PATL2: variants seen among roughly 807,000 people sequenced by gnomAD.
PATL2 encodes the protein protein PAT1 homolog 2.
Under a neutral mutation model 77.0 loss-of-function variants are expected in PATL2, and 73 were observed. The ratio of observed to expected loss-of-function variants is 0.95; its 90% CI spans 0.78 to 1.15. The LOEUF (loss-of-function observed/expected upper bound fraction) is 1.15. PATL2 is among the 50% of genes most tolerant of loss of function. PATL2 has a pLI of 0.00. For synonymous variants in PATL2, 265 were observed against 257.1 expected, an observed-to-expected ratio of 1.03 and a Z score of -0.29; for missense variants, 618 against 655.4, an observed-to-expected ratio of 0.94 and a Z score of 0.62.
At chr15:44,697,945 C>T (rs2086544918) in intron 3 of PATL2, among the ~76,000 whole-genome samples, 1 of 151,896 alleles carries the variant, frequency 6.6e-6, no homozygotes, top group South Asian at 2.1e-4. Context: ...TGCTATGTTG[C>T]CCAGGCTGGT....
chr15:44,697,256 GC>G (rs1338153333), intron 3 of PATL2: 3 of 146,588 alleles, frequency 2.0e-5, no homozygotes, highest in Non-Finnish European at 4.5e-5. Flanking sequence ...TCTTCTTCTT[GC>G]TCCTGCTCAT....
intron 3 of PATL2, among the ~76,000 whole-genome samples, chr15:44,695,175 G>C (rs1459310043): frequency 6.6e-6 from 1 of 150,952 alleles, no homozygotes; most frequent in Non-Finnish European, 1.5e-5. Context: ...GCGACAGAGC[G>C]AGACTCCCTC....
At position 44,697,893 on chromosome 15, in the gene PATL2, C is replaced by CT. The variant is rs796682758; in HGVS notation, c.-76+12202dup. On this transcript the variant is annotated intron_variant, in intron 3 of 17. Coordinates refer to ENST00000682850, the MANE Select transcript of PATL2 (RefSeq NM_001387263.1). Reference sequence around the variant, plus strand: ...GTAGTTTGGGTCAGCAGCTTTCCCACTTTTTTTTTATTATTATTTTAAAAA... The same window carrying CT: ...GTAGTTTGGGTCAGCAGCTTTCCCACTTTTTTTTTTATTATTATTTTAAAAA... 6.1e-4 allele frequency among the ~76,000 whole-genome samples: 92 copies of CT among 150,968 alleles called. No homozygotes were observed. The South Asian group carries it at 0.012, about 19-fold the overall frequency.
chr15:44,679,336 T>C (rs546407477), intron 3 of PATL2, among the ~76,000 whole-genome samples: 1 of 152,038 alleles, frequency 6.6e-6, no homozygotes, highest in Admixed American at 6.6e-5. Flanking sequence ...GATCAAGCAA[T>C]TGTCCTGCCT....
At chr15:44,682,774 A>G (rs2086162433) in intron 3 of PATL2, among the ~76,000 whole-genome samples, 1 of 152,066 alleles carries the variant, frequency 6.6e-6, no homozygotes, top group South Asian at 2.1e-4. Context: ...ATTTAAACAT[A>G]AAAAAAATCT....
At chr15:44,682,355 T>C (rs911391863) in intron 3 of PATL2, among the ~76,000 whole-genome samples, 3 of 152,218 alleles carry the variant, frequency 2.0e-5, no homozygotes, top group African/African-American at 2.4e-5. Flanking sequence ...CTGATCCTTA[T>C]GCTTTTTGCT....
chr15:44,673,112 G>A (rs1335079374), intron 7 of PATL2, 123 bp downstream of exon 7: 1 of 1,274,948 alleles, frequency 7.8e-7, no homozygotes, highest in Non-Finnish European at 1.1e-6. Flanking sequence ...GACGGAATTA[G>A]ACTATACCTC....
chr15:44,679,296 T>A (rs1042349717), intron 3 of PATL2, among the ~76,000 whole-genome samples: 1 of 151,742 alleles, frequency 6.6e-6, no homozygotes, highest in Non-Finnish European at 1.5e-5. Flanking sequence ...AGTGGCACCA[T>A]CTCGGCTCAC....
chr15:44,666,162 C>G (rs1162252394), intron 17 of PATL2, among the ~76,000 whole-genome samples, 191 bp from the exon 18 acceptor site: 1 of 152,198 alleles, frequency 6.6e-6, no homozygotes, highest in East Asian at 1.9e-4. Flanking sequence ...TAAATTAATT[C>G]TTGCCCTCAA....
At chr15:44,691,892 G>T (rs970222055) in intron 3 of PATL2, among the ~76,000 whole-genome samples, 8 of 151,710 alleles carry the variant, frequency 5.3e-5, no homozygotes, top group Non-Finnish European at 1.2e-4. Flanking sequence ...GATAAATATC[G>T]TCCTTATTTT....
intron 3 of PATL2, among the ~76,000 whole-genome samples, chr15:44,703,089 C>T (rs578230979): frequency 8.5e-5 from 13 of 152,100 alleles, no homozygotes; most frequent in Middle Eastern, 3.4e-3. Context: ...TCCTGACTAA[C>T]GTGGAGAAAC....
intron 3 of PATL2, among the ~76,000 whole-genome samples, chr15:44,695,708 A>G (rs2086489290): frequency 6.6e-6 from 1 of 152,190 alleles, no homozygotes; most frequent in African/African-American, 2.4e-5. Context: ...AACTCAAAAC[A>G]AAAACAGTCA....
chr15:44,670,985 C>T (rs776826679), intron 9 of PATL2, among the ~76,000 whole-genome samples: 1 of 152,252 alleles, frequency 6.6e-6, no homozygotes, highest in Non-Finnish European at 1.5e-5. Context: ...CTAAAATCCA[C>T]TGACAAGCCA....
At chr15:44,675,209 T>C (rs371976740) in intron 5 of PATL2, 1 of 391,892 alleles carries the variant, frequency 2.6e-6, no homozygotes, top group South Asian at 4.7e-5. Context: ...CAAACGTGAC[T>C]CACCTTTAAC....
At chr15:44,693,826 A>G (rs1428855668) in intron 3 of PATL2, among the ~76,000 whole-genome samples, 3 of 151,720 alleles carry the variant, frequency 2.0e-5, no homozygotes, top group African/African-American at 7.3e-5. Context: ...CAGCCTCCCA[A>G]TTAGGTGGGA....
At chr15:44,673,119 C>T (rs1270749924) in intron 7 of PATL2, 116 bp downstream of exon 7, 2 of 1,318,950 alleles carry the variant, frequency 1.5e-6, no homozygotes, top group Non-Finnish European at 2.1e-6. Context: ...TTAGACTATA[C>T]CTCAGACTTC....
intron 4 of PATL2, chr15:44,676,220 T>C (rs901628052): frequency 4.5e-5 from 23 of 512,078 alleles, no homozygotes; most frequent in Non-Finnish European, 7.8e-5. Flanking sequence ...GTGTGCCATA[T>C]ACTTTACGTG....
chr15:44,678,867 T>C (rs559475231), intron 3 of PATL2, among the ~76,000 whole-genome samples: 5 of 152,332 alleles, frequency 3.3e-5, no homozygotes, highest in Non-Finnish European at 7.4e-5. Flanking sequence ...GGAGATTTTT[T>C]ATCCATTGTT....
chr15:44,690,819 A>G (rs2086374481), intron 3 of PATL2, among the ~76,000 whole-genome samples: 1 of 152,276 alleles, frequency 6.6e-6, no homozygotes, highest in African/African-American at 2.4e-5. Context: ...TCCAATCAGT[A>G]ACCATGTCAA....
Sources: gnomAD v4.1 joint callset for allele counts (sites outside exome capture counted in the v4.1 genomes callset) on GRCh38, gnomAD v4.1.1 for gene constraint, MANE v1.5 for transcripts, NCBI Gene and HGNC (gene_info 2026-07-23, HGNC 2026-07-21) for gene names.